Variants in TFB1M observed in about 807,000 individuals in gnomAD.
The protein encoded by TFB1M is transcription factor B1, mitochondrial, also known as dimethyladenosine transferase 1, mitochondrial.
A neutral mutation model predicts 31.1 loss-of-function variants in TFB1M; 27 were observed. That is an observed-to-expected ratio of 0.87 (90% confidence interval 0.64 to 1.20). TFB1M has a LOEUF of 1.20. Ranked by LOEUF, TFB1M falls within the 50% of genes most tolerant of loss-of-function variation. The pLI is 0.00. For missense variants in TFB1M, 394 were observed against 418.7 expected, an observed-to-expected ratio of 0.94 and a Z score of 0.51; for synonymous variants, 166 against 151.8, an observed-to-expected ratio of 1.09 and a Z score of -0.69.
chr6:155,285,959 T>C (rs560340783), intron 4 of TFB1M, among the ~76,000 whole-genome samples: 1 of 152,164 alleles, frequency 6.6e-6, no homozygotes, highest in East Asian at 1.9e-4. Flanking sequence ...CATGTAAAAT[T>C]TATATAAGGC....
At chr6:155,288,251 G>A (rs1328955382) in intron 4 of TFB1M, among the ~76,000 whole-genome samples, 1 of 152,124 alleles carries the variant, frequency 6.6e-6, no homozygotes, top group Non-Finnish European at 1.5e-5. Context: ...TAAACTGTCT[G>A]GCTCTTGTCT....
intron 2 of TFB1M, among the ~76,000 whole-genome samples, chr6:155,298,963 C>T (rs745575002): frequency 6.6e-6 from 1 of 152,106 alleles, no homozygotes; most frequent in African/African-American, 2.4e-5. Flanking sequence ...CAGGAGTCAA[C>T]CATATGAAAG....
At position 155,314,411 on chromosome 6, in the gene TFB1M, T is replaced by A. The variant is rs141010376; in HGVS notation, c.18A>T (p.Lys6Asn). ...ACGGAGGGAGACGGCAAGTGCTGAG[T>A]TTTCCGGAGGCAGCCATGATACGCG... MAASG[K>N]LSTCRLPPLP... Residue 6 changes from lysine to asparagine, a missense_variant, in exon 1 of 7, where the codon AAA becomes AAT. This residue lies in a region of TFB1M where 273 missense variants were observed against 256.4 expected (regional missense o/e 1.06). Coordinates refer to ENST00000367166, the MANE Select transcript of TFB1M (RefSeq NM_016020.4). 3 of 1,613,916 alleles carry A rather than the reference T, an allele frequency of 1.9e-6. No homozygotes were observed. The African/African-American group carries it at 4.0e-5, about 22-fold the overall frequency.
chr6:155,256,023 G>A (rs994425806), downstream of TFB1M: 2 of 198,242 alleles, frequency 1.0e-5, no homozygotes, highest in Non-Finnish European at 1.0e-5. Context: ...AAAAAAAGGG[G>A]GGGGGAGGGG....
At chr6:155,254,413 A>T, downstream of TFB1M, 2 of 1,609,396 alleles carry the variant, frequency 1.2e-6, no homozygotes, top group Non-Finnish European at 1.7e-6. Flanking sequence ...CTCCCCCCCC[A>T]CCCAGTGACA....
At chr6:155,234,546 G>T in the TFB1M span, among the ~76,000 whole-genome samples, 1 of 152,216 alleles carries the variant, frequency 6.6e-6, no homozygotes, top group East Asian at 1.9e-4. Flanking sequence ...GGGACCATAG[G>T]CGTGTGCCAC....
At chr6:155,308,014 T>C (rs551483345) in intron 2 of TFB1M, among the ~76,000 whole-genome samples, 1 of 152,122 alleles carries the variant, frequency 6.6e-6, no homozygotes, top group East Asian at 1.9e-4. Context: ...CTATCAAAGC[T>C]TCAAATTCCC....
At chr6:155,276,796 C>A (rs904679321) in intron 5 of TFB1M, among the ~76,000 whole-genome samples, 2 of 152,220 alleles carry the variant, frequency 1.3e-5, no homozygotes, top group Admixed American at 6.5e-5. Flanking sequence ...AACAACACAG[C>A]AACTTGCTTC....
chr6:155,274,737 C>A (rs1583328292), intron 5 of TFB1M, among the ~76,000 whole-genome samples: 1 of 152,230 alleles, frequency 6.6e-6, no homozygotes, highest in East Asian at 1.9e-4. Flanking sequence ...AGACTTCTTT[C>A]CACTGCTGTC....
At position 155,298,502 on chromosome 6, in the gene TFB1M, T is replaced by G; in HGVS notation, c.369A>C (p.Glu123Asp). The G allele has an allele frequency of 6.2e-7, 1 of 1,611,216 alleles. No individual in the cohort carries two copies. Among genetic ancestry groups the G allele is most frequent in the South Asian group, 1.1e-5 (1 of 91,008 alleles). ...CATCTTCCCAGGGTCTTTTAAGACTTTCTGAAAAAGCCTTTTCTACCTTAA... is the reference window on the plus strand; with the variant it reads ...CATCTTCCCAGGGTCTTTTAAGACTGTCTGAAAAAGCCTTTTCTACCTTAA... ...LTFKVEKAFS[E>D]SLKRPWEDDP... is the part of the protein sequence containing the mutation. Residue 123 changes from glutamate (E) to aspartate (D), a missense_variant, in exon 3 of 7, where the codon GAA becomes GAC. Transcript: ENST00000367166.
intron 5 of TFB1M, among the ~76,000 whole-genome samples, chr6:155,269,318 TCTTTTC>T (rs1784814858): frequency 1.9e-5 from 2 of 103,904 alleles, no homozygotes; most frequent in South Asian, 3.5e-4. Flanking sequence ...TCTTTTCTTT[TCTTTTC>T]TTTTTTTTTT....
chr6:155,296,513 C>T (rs1468269230), intron 4 of TFB1M, among the ~76,000 whole-genome samples: 2 of 148,644 alleles, frequency 1.3e-5, no homozygotes, highest in East Asian at 2.0e-4. Flanking sequence ...CTCCTGACCT[C>T]GTGATCCGCC....
the TFB1M span, among the ~76,000 whole-genome samples, chr6:155,250,209 G>T: frequency 6.6e-6 from 1 of 152,072 alleles, no homozygotes; most frequent in East Asian, 1.9e-4. Context: ...TCCATGGAGG[G>T]TGAGAGCTGG....
In TFB1M at chr6:155,305,474, T is replaced by A. The variant is rs1269315387; in HGVS notation, c.285+5714A>T. Among the ~76,000 whole-genome samples the A allele has an allele frequency of 6.4e-5, 2 of 31,084 alleles. 1 individual carries two copies. The highest frequency in any genetic ancestry group is 4.3e-3 in the South Asian group (2 of 462). 20.4% of individuals were successfully genotyped at this position (31,084 alleles called of 152,430 possible). ...TTATATATTTATATATATAAATATA[T>A]ATTAAATTATATATATAAATATATA... On this transcript the variant is annotated intron_variant, in intron 2 of 6. Coordinates refer to ENST00000367166, the MANE Select transcript of TFB1M (RefSeq NM_016020.4).
At chr6:155,246,128 G>A in the TFB1M span, among the ~76,000 whole-genome samples, 2 of 151,102 alleles carry the variant, frequency 1.3e-5, no homozygotes, top group Non-Finnish European at 2.9e-5. Context: ...AGCCTACCAC[G>A]AAACTCACAA....
At position 155,256,757 on chromosome 6, in the gene TFB1M, A is replaced by T. The variant is rs1315956239; in HGVS notation, c.*1079T>A. On this transcript the variant is annotated 3_prime_UTR_variant, in exon 7 of 7. Transcript: ENST00000367166. ...GATGACCACCGTCAGACTGTGAAGC[A>T]GGGCAGCCCTACTAAAGACATCGAA... 1.9e-6 allele frequency: 3 copies of T among 1,614,244 alleles called. No individual in the cohort carries two copies. In the Admixed American group the frequency reaches 5.0e-5, roughly 27 times the overall value.
intron 5 of TFB1M, chr6:155,276,696 G>T: frequency 4.2e-6 from 1 of 237,208 alleles, no homozygotes; most frequent in Non-Finnish European, 8.1e-6. Flanking sequence ...TTTCAAACTG[G>T]ATTTTATAAA....
At chr6:155,251,404 A>G (rs1335217605), downstream of TFB1M, among the ~76,000 whole-genome samples, 4 of 152,128 alleles carry the variant, frequency 2.6e-5, no homozygotes, top group Non-Finnish European at 5.9e-5. Flanking sequence ...CCCCTGCCTA[A>G]GCCTCCTGAG....
chr6:155,308,591 G>A (rs1270135692), intron 2 of TFB1M, among the ~76,000 whole-genome samples: 3 of 152,144 alleles, frequency 2.0e-5, no homozygotes, highest in East Asian at 3.9e-4. Context: ...TGAAGTCTGC[G>A]TCTTTACCAC....
Sources: allele counts gnomAD v4.1 joint callset (sites outside exome capture counted in the v4.1 genomes callset), GRCh38; gene constraint gnomAD v4.1.1; regional missense constraint gnomAD v4.1.1; transcripts MANE v1.5; gene names NCBI Gene and HGNC (gene_info 2026-07-23, HGNC 2026-07-21).